The following CSNK1G1 variants were observed in gnomAD, a reference collection of about 807,000 sequenced individuals.
The protein encoded by CSNK1G1 is casein kinase 1 gamma 1.
A neutral mutation model predicts 59.6 loss-of-function variants in CSNK1G1; 22 were observed. The observed-to-expected ratio is 0.37, with a 90% CI of 0.26 to 0.53. The LOEUF (loss-of-function observed/expected upper bound fraction) is 0.53, where lower values mean the gene tolerates loss of function less well. Ranked by LOEUF, CSNK1G1 falls within the 20% of genes least tolerant of loss-of-function variation. CSNK1G1 has a pLI of 0.89. For synonymous variants in CSNK1G1, 179 were observed against 177.1 expected (o/e 1.01, Z -0.08); for missense variants, 384 against 519.5 (o/e 0.74, Z 2.54).
At chr15:64,352,383 A>ATTT (rs1898344218) in intron 1 of CSNK1G1, among the ~76,000 whole-genome samples, 1 of 151,670 alleles carries the variant, frequency 6.6e-6, no homozygotes, top group Non-Finnish European at 1.5e-5. Context: ...CAGAAGAGCC[A>ATTT]TTTAGAAAGC....
intron 3 of CSNK1G1, among the ~76,000 whole-genome samples, chr15:64,255,345 G>C (rs543798392): frequency 1.3e-5 from 2 of 152,258 alleles, no homozygotes; most frequent in South Asian, 2.1e-4. Flanking sequence ...AAAGTCCTGA[G>C]ATTACAGGCA....
chr15:64,228,909 T>C (rs1355817406), intron 4 of CSNK1G1, among the ~76,000 whole-genome samples: 4 of 150,570 alleles, frequency 2.7e-5, no homozygotes, highest in Admixed American at 6.6e-5. Flanking sequence ...TCCCAGCTAC[T>C]TGGGAGGCTG....
Position 64,188,570 on chromosome 15 carries a change from G to A in CSNK1G1, c.1108-8116C>T, listed in dbSNP as rs886302049. 9 of 988,432 alleles carry A rather than the reference G, an allele frequency of 9.1e-6. No homozygotes were observed. Among genetic ancestry groups the A allele is most frequent in the Admixed American group, 8.8e-5 (4 of 45,252 alleles). 61.2% of individuals were successfully genotyped at this position (988,432 alleles called of 1,614,324 possible). A position where few individuals can be genotyped will look rare whatever the true frequency, so the allele number is the denominator to read the frequency against. ...AGCAATAACAAAATCAAGTACATTCGTGTCCCTGTAGGTTTTTCTTTCGGT... is the reference window on the plus strand; with the variant it reads ...AGCAATAACAAAATCAAGTACATTCATGTCCCTGTAGGTTTTTCTTTCGGT... On this transcript the variant is annotated intron_variant, in intron 10 of 11. Coordinates refer to ENST00000303052, the MANE Select transcript of CSNK1G1 (RefSeq NM_022048.5). This position sits in a 1 kb window ranked among gnomAD's most constrained non-coding sequence, Gnocchi z 4.2.
At chr15:64,179,047 G>A (rs966163343) in intron 11 of CSNK1G1, among the ~76,000 whole-genome samples, 3 of 152,014 alleles carry the variant, frequency 2.0e-5, no homozygotes, top group Admixed American at 2.0e-4. Flanking sequence ...CACCACACCT[G>A]GCTAGAAAGG....
At chr15:64,263,822 CAA>C (rs869123397) in intron 2 of CSNK1G1, among the ~76,000 whole-genome samples, 4,050 of 53,836 alleles carry the variant, frequency 0.075, 33 homozygotes, top group South Asian at 0.11. Context: ...TTTTGTTTAC[CAA>C]AAAAAAAAAA....
At chr15:64,322,908 C>T (rs1896636699) in intron 1 of CSNK1G1, among the ~76,000 whole-genome samples, 1 of 151,728 alleles carries the variant, frequency 6.6e-6, no homozygotes, top group Admixed American at 6.6e-5. Flanking sequence ...AAATGCACTG[C>T]ACTTTTACAT....
chr15:64,204,577 G>C lies in CSNK1G1; in HGVS notation c.863C>G (p.Thr288Ser), dbSNP rs767604392. 1 of 1,613,498 alleles carries C rather than the reference G, an allele frequency of 6.2e-7. No individual in the cohort carries two copies. The highest frequency in any genetic ancestry group is 8.5e-7 in the Non-Finnish European group (1 of 1,179,850). Residue 288 changes from threonine (T) to serine (S), a missense_variant, in exon 9 of 12, where the codon ACC (threonine) becomes AGC (serine). Coordinates refer to ENST00000303052, the MANE Select transcript of CSNK1G1 (RefSeq NM_022048.5). ...LCENFPEEMATYLRYVRRLDF... is the reference protein window; with the variant it reads ...LCENFPEEMASYLRYVRRLDF... The stretch of plus-strand genomic sequence containing the variant: ...CAGTCGCCTGACATATCGAAGGTAG[G>C]TTGCCATCTCCTCTGTTAGGAAAGA...
Position 64,171,833 on chromosome 15 carries a change from TC to T in CSNK1G1, c.*97del. On this transcript the variant is annotated 3_prime_UTR_variant, in exon 12 of 12. Coordinates refer to ENST00000303052, the MANE Select transcript of CSNK1G1 (RefSeq NM_022048.5). This position sits in a 1 kb window ranked among gnomAD's most constrained non-coding sequence, Gnocchi z 4.8. ...TTCTTTTTGGTTTGGATATCCACCCTCCCCCAAAGAGGAGTCCCTTCCAATG... is the reference window on the plus strand; with the variant it reads ...TTCTTTTTGGTTTGGATATCCACCCTCCCCAAAGAGGAGTCCCTTCCAATG... 1 of 1,065,364 alleles carries T rather than the reference TC, an allele frequency of 9.4e-7. No individual in the cohort carries two copies. The highest frequency in any genetic ancestry group is 1.5e-6 in the Non-Finnish European group (1 of 685,716). 66.0% of individuals were successfully genotyped at this position (1,065,364 alleles called of 1,614,324 possible). A position where few individuals can be genotyped will look rare whatever the true frequency, so the allele number is the denominator to read the frequency against.
intron 2 of CSNK1G1, among the ~76,000 whole-genome samples, chr15:64,273,794 C>CA (rs1021969967): frequency 2.6e-5 from 4 of 151,764 alleles, no homozygotes; most frequent in African/African-American, 9.7e-5. Context: ...TGTTGGGCTG[C>CA]ATTCAAGGCT....
At chr15:64,234,552 T>A (rs929923444) in intron 4 of CSNK1G1, among the ~76,000 whole-genome samples, 10 of 152,034 alleles carry the variant, frequency 6.6e-5, no homozygotes, top group African/African-American at 2.4e-4. Context: ...GTAGTTCTGT[T>A]TCTGGGGGTA....
rs73462579 is a variant in CSNK1G1 at position 64,188,592 on chromosome 15, C to T, written c.1108-8138G>A. The T allele has an allele frequency of 0.011, 9,092 of 823,410 alleles. 558 individuals are homozygous for T. In the African/African-American group the frequency reaches 0.14, roughly 12 times the overall value. The allele number at this position is 823,410 out of a possible 1,614,324, so 51.0% of individuals were successfully genotyped here. A position where few individuals can be genotyped will look rare whatever the true frequency, so the allele number is the denominator to read the frequency against. On this transcript the variant is annotated intron_variant, in intron 10 of 11. Transcript: ENST00000303052. This position sits in a 1 kb window ranked among gnomAD's most constrained non-coding sequence, Gnocchi z 4.2. ...TTCGTGTCCCTGTAGGTTTTTCTTTCGGTTTTGGATTTTAAACTAACAACC... is the reference window on the plus strand; with the variant it reads ...TTCGTGTCCCTGTAGGTTTTTCTTTTGGTTTTGGATTTTAAACTAACAACC...
intron 10 of CSNK1G1, among the ~76,000 whole-genome samples, chr15:64,195,988 G>A (rs952301618): frequency 9.2e-5 from 14 of 152,288 alleles, no homozygotes; most frequent in African/African-American, 3.1e-4. Flanking sequence ...CCCGTTACTT[G>A]GGAGGCTGAG....
intron 1 of CSNK1G1, among the ~76,000 whole-genome samples, chr15:64,311,073 T>A (rs1435641080): frequency 6.6e-6 from 1 of 151,928 alleles, no homozygotes; most frequent in African/African-American, 2.4e-5. Context: ...TTATTTTTTT[T>A]AAGACAGTCT....
chr15:64,250,554 G>C (rs1318612057), intron 4 of CSNK1G1, among the ~76,000 whole-genome samples: 1 of 151,976 alleles, frequency 6.6e-6, no homozygotes, highest in Non-Finnish European at 1.5e-5. Context: ...GACCAGCCTG[G>C]GCAACATGGC....
At chr15:64,197,984 A>G (rs1223397985) in intron 10 of CSNK1G1, among the ~76,000 whole-genome samples, 1 of 152,022 alleles carries the variant, frequency 6.6e-6, no homozygotes, top group Non-Finnish European at 1.5e-5. Flanking sequence ...TAATTCTGCT[A>G]AAAGCATGTC....
At chr15:64,289,416 A>G (rs1219661670) in intron 2 of CSNK1G1, among the ~76,000 whole-genome samples, 1 of 152,180 alleles carries the variant, frequency 6.6e-6, no homozygotes, top group Non-Finnish European at 1.5e-5. Flanking sequence ...ATTCTTCTCC[A>G]AGATCTGTTA....
intron 3 of CSNK1G1, among the ~76,000 whole-genome samples, chr15:64,257,703 T>C (rs935420847): frequency 4.1e-4 from 62 of 152,236 alleles, no homozygotes. Context: ...TTTGTATTTT[T>C]TGTAGAGACA....
chr15:64,233,895 T>C (rs1322193575), intron 4 of CSNK1G1, among the ~76,000 whole-genome samples: 1 of 152,170 alleles, frequency 6.6e-6, no homozygotes. Flanking sequence ...TTCACAAAAT[T>C]AAGCATTTGC....
chr15:64,212,925 G>A (rs2082266462), intron 6 of CSNK1G1, among the ~76,000 whole-genome samples: 1 of 151,836 alleles, frequency 6.6e-6, no homozygotes, highest in South Asian at 2.1e-4. Context: ...AGAATTGCTT[G>A]AACCCGCGAG....
Sources: allele counts gnomAD v4.1 joint callset (sites outside exome capture counted in the v4.1 genomes callset), GRCh38; gene constraint gnomAD v4.1.1; non-coding constraint Gnocchi (gnomAD v3.1); transcripts MANE v1.5; gene names NCBI Gene and HGNC (gene_info 2026-07-23, HGNC 2026-07-21).